The following HECTD4 variants were observed in gnomAD, a reference collection of about 807,000 sequenced individuals.
The protein encoded by HECTD4 is HECT domain E3 ubiquitin protein ligase 4.
Under a neutral mutation model 471.5 loss-of-function variants are expected in HECTD4, and 114 were observed. That is an observed-to-expected ratio of 0.24 (90% CI 0.21 to 0.28). The LOEUF (loss-of-function observed/expected upper bound fraction) is 0.28. HECTD4 is among the 10% of genes least tolerant of loss of function. The probability of loss-of-function intolerance (pLI) is 1.00; values close to 1 mark genes in which losing one functional copy is unlikely to be tolerated. For missense variants in HECTD4, 3,866 were observed against 5,651.5 expected, an observed-to-expected ratio of 0.68 and a Z score of 10.13; for synonymous variants, 2,012 against 2,256.0, an observed-to-expected ratio of 0.89 and a Z score of 3.07.
chr12:112,211,444 A>G (rs895852715), intron 49 of HECTD4, among the ~76,000 whole-genome samples: 2 of 152,006 alleles, frequency 1.3e-5, no homozygotes, highest in African/African-American at 4.8e-5. Flanking sequence ...CTAACTGGAT[A>G]GTGACATTCC....
chr12:112,166,951 G>T lies in HECTD4; in HGVS notation c.12534+366C>A. The T allele has an allele frequency of 5.5e-6, 1 of 182,992 alleles. No individual in the cohort carries two copies. Among genetic ancestry groups the T allele is most frequent in the Non-Finnish European group, 1.1e-5 (1 of 89,026 alleles). 11.3% of individuals were successfully genotyped at this position (182,992 alleles called of 1,614,324 possible). A position where few individuals can be genotyped will look rare whatever the true frequency, so the allele number is the denominator to read the frequency against. On this transcript the variant is annotated intron_variant, in intron 72 of 75. Transcript: ENST00000682272. The surrounding 1 kb of genome is among the most constrained non-coding windows in gnomAD (Gnocchi z 4.6). ...TTGGTGGACCTCAGGTGGTCCCAGG[G>T]CTGACTCCTGTGCTCTGAGTCCCTG...
At chr12:112,175,242 C>G (rs1445279699) in intron 66 of HECTD4, among the ~76,000 whole-genome samples, 3 of 152,170 alleles carry the variant, frequency 2.0e-5, no homozygotes, top group Non-Finnish European at 4.4e-5. Flanking sequence ...AGAGGTGATT[C>G]AGGTTAAAAG....
At chr12:112,291,559 G>C (rs2034885819) in intron 7 of HECTD4, among the ~76,000 whole-genome samples, 1 of 151,532 alleles carries the variant, frequency 6.6e-6, no homozygotes. Flanking sequence ...AACATAGTGA[G>C]ACCCCCCCAT....
intron 44 of HECTD4, among the ~76,000 whole-genome samples, chr12:112,222,621 C>T (rs939304232): frequency 2.0e-5 from 3 of 152,138 alleles, no homozygotes; most frequent in African/African-American, 4.8e-5. Context: ...GAGCTAAGAT[C>T]GTGCCACCGC....
intron 49 of HECTD4, 108 bp from the exon 50 acceptor site, chr12:112,210,360 G>A: frequency 8.6e-7 from 1 of 1,156,272 alleles, no homozygotes; most frequent in Non-Finnish European, 1.3e-6. Context: ...AATAGCCCGA[G>A]GTGTGTGCTG....
chr12:112,265,976 T>G lies in HECTD4; in HGVS notation c.2400A>C (p.Arg800Ser). The change falls in exon 15 of 76, where the codon AGA becomes AGC. Residue 800 changes from arginine (R) to serine (S), a missense_variant. By Grantham distance (110) the Arg-to-Ser change is moderately radical. Coordinates refer to ENST00000682272, the MANE Select transcript of HECTD4 (RefSeq NM_001388303.1). ...LLKLVLTEGE[R>S]NSGLSQLRDV... ...CCCGTAGCTGGGAGAGTCCACTGTT[T>G]CTCTCTCCTAACACAGAAGAAAGCT... 1.2e-6 allele frequency: 2 copies of G among 1,612,042 alleles called. No individual in the cohort carries two copies. The highest frequency in any genetic ancestry group is 1.7e-6 in the Non-Finnish European group (2 of 1,178,186).
chr12:112,314,530 A>G lies in HECTD4; in HGVS notation c.712T>C (p.Phe238Leu). 1.3e-6 allele frequency: 2 copies of G among 1,522,328 alleles called. No homozygotes were observed. Among genetic ancestry groups the G allele is most frequent in the Non-Finnish European group, 1.8e-6 (2 of 1,134,412 alleles). The allele number at this position is 1,522,328 out of a possible 1,614,324, so 94.3% of individuals were successfully genotyped here. A position where few individuals can be genotyped will look rare whatever the true frequency, so the allele number is the denominator to read the frequency against. Residue 238 changes from phenylalanine to leucine, a missense_variant, in exon 3 of 76, where the codon TTC becomes CTC. Phe to Leu is a conservative substitution (Grantham distance 22, BLOSUM62 0). This residue lies in a region of HECTD4 where 440 missense variants were observed against 636.0 expected (regional missense o/e 0.69). Coordinates refer to ENST00000682272, the MANE Select transcript of HECTD4 (RefSeq NM_001388303.1). Reference protein sequence around the residue: ...LACARGSLKTFVHTVHLLQKQ... With the variant: ...LACARGSLKTLVHTVHLLQKQ... ...TGTAATAGATGGACTGTGTGGACGAAAGTTTTCAATGATCCCCTAAAAATA... is the reference window on the plus strand; with the variant it reads ...TGTAATAGATGGACTGTGTGGACGAGAGTTTTCAATGATCCCCTAAAAATA...
intron 29 of HECTD4, among the ~76,000 whole-genome samples, chr12:112,245,431 T>C (rs1422559770): frequency 6.6e-6 from 1 of 152,230 alleles, no homozygotes; most frequent in African/African-American, 2.4e-5. Flanking sequence ...CCTTACCAAG[T>C]GGTCAGGTCT....
Position 112,183,278 on chromosome 12 carries a change from G to C in HECTD4, c.10780-12C>G. ...GCTCGGGATCTTATCTGTGTGAACA[G>C]AGAACAGGGTCAGGATTTGAGTAGC... On this transcript the variant is annotated splice_polypyrimidine_tract_variant and intron_variant, in intron 61 of 75. Coordinates refer to ENST00000682272, the MANE Select transcript of HECTD4 (RefSeq NM_001388303.1). 3 of 1,606,886 alleles carry C rather than the reference G, an allele frequency of 1.9e-6. No homozygotes were observed. Among genetic ancestry groups the C allele is most frequent in the Non-Finnish European group, 2.6e-6 (3 of 1,174,736 alleles).
intron 8 of HECTD4, 27 bp from the exon 9 acceptor site, chr12:112,279,413 T>A: frequency 1.3e-6 from 2 of 1,565,108 alleles, no homozygotes; most frequent in Non-Finnish European, 1.7e-6. Flanking sequence ...AAATGCTAAA[T>A]CAAAATATTT....
At chr12:112,214,712 C>T (rs184424290) in intron 48 of HECTD4, among the ~76,000 whole-genome samples, 131 of 152,292 alleles carry the variant, frequency 8.6e-4, no homozygotes, top group African/African-American at 3.0e-3. Context: ...CCACCCACCC[C>T]CTGACATACA....
chr12:112,245,426 C>T (rs769308883), intron 29 of HECTD4, among the ~76,000 whole-genome samples: 2 of 152,198 alleles, frequency 1.3e-5, no homozygotes, highest in Non-Finnish European at 1.5e-5. Flanking sequence ...AACAGCCTTA[C>T]CAAGTGGTCA....
intron 27 of HECTD4, among the ~76,000 whole-genome samples, 183 bp downstream of exon 27, chr12:112,247,884 C>T (rs917543164): frequency 2.0e-5 from 3 of 151,844 alleles, no homozygotes; most frequent in Non-Finnish European, 4.4e-5. Context: ...TTGTATACTG[C>T]ATGTTGATCT....
chr12:112,361,320 G>A (rs946679511), intron 1 of HECTD4, among the ~76,000 whole-genome samples: 3 of 151,618 alleles, frequency 2.0e-5, no homozygotes, highest in Admixed American at 6.6e-5. Context: ...TCACTCTGTC[G>A]CCCAGGCTTG....
chr12:112,208,433 T>C, intron 51 of HECTD4, 61 bp downstream of exon 51: 1 of 1,470,890 alleles, frequency 6.8e-7, no homozygotes, highest in Non-Finnish European at 9.0e-7. Flanking sequence ...AGGCTTGTCC[T>C]AGTCACTAGG....
intron 51 of HECTD4, 70 bp from the exon 52 acceptor site, chr12:112,208,070 A>T: frequency 1.9e-6 from 3 of 1,542,192 alleles, no homozygotes; most frequent in Non-Finnish European, 1.8e-6. Flanking sequence ...TCCCTAACTT[A>T]CAGCCCTCAC....
intron 44 of HECTD4, among the ~76,000 whole-genome samples, chr12:112,220,211 A>G (rs923139194): frequency 2.0e-5 from 3 of 152,194 alleles, no homozygotes; most frequent in African/African-American, 7.2e-5. Context: ...TATTATTCTT[A>G]TCACCTAAAT....
At chr12:112,302,699 T>C (rs544083485) in intron 7 of HECTD4, 343 of 453,366 alleles carry the variant, frequency 7.6e-4, no homozygotes, top group Admixed American at 1.3e-3. Flanking sequence ...GTTAGCTGTT[T>C]TTTAACTTTT....
chr12:112,170,022 C>T lies in HECTD4; in HGVS notation c.12052+311G>A, dbSNP rs544979499. On this transcript the variant is annotated intron_variant, in intron 69 of 75. Coordinates refer to ENST00000682272, the MANE Select transcript of HECTD4 (RefSeq NM_001388303.1). ...AGACTCTGGGGAGCCTCCCCAGTGACCTTCTCTCCCTTTCCTTTGATGCTG... is the reference window on the plus strand; with the variant it reads ...AGACTCTGGGGAGCCTCCCCAGTGATCTTCTCTCCCTTTCCTTTGATGCTG... The T allele has an allele frequency of 2.0e-4, 106 of 537,014 alleles. 2 individuals are homozygous for T. In the Admixed American group the frequency reaches 3.3e-3, roughly 17 times the overall value. 33.3% of individuals were successfully genotyped at this position (537,014 alleles called of 1,614,324 possible). A position where few individuals can be genotyped will look rare whatever the true frequency, so the allele number is the denominator to read the frequency against.
Sources: gnomAD v4.1 joint callset for allele counts (sites outside exome capture counted in the v4.1 genomes callset) on GRCh38, gnomAD v4.1.1 for gene constraint, gnomAD v4.1.1 regional missense constraint, Gnocchi (gnomAD v3.1) non-coding constraint, MANE v1.5 for transcripts, NCBI Gene and HGNC (gene_info 2026-07-23, HGNC 2026-07-21) for gene names.